Variants in EIF4G3 observed in about 807,000 individuals in gnomAD.
EIF4G3 encodes the protein eIF-4-gamma 3.
Under a neutral mutation model 186.4 loss-of-function variants are expected in EIF4G3, and 34 were observed. The ratio of observed to expected loss-of-function variants is 0.18; its 90% CI spans 0.14 to 0.24. EIF4G3 has a LOEUF of 0.24. Among genes scored for constraint, EIF4G3 ranks in the 10% least tolerant of loss-of-function variants. The probability of loss-of-function intolerance (pLI) is 1.00; values close to 1 mark genes in which losing one functional copy is unlikely to be tolerated. For synonymous variants in EIF4G3, 673 were observed against 679.5 expected (o/e 0.99, Z 0.15); for missense variants, 1,536 against 1,948.5 (o/e 0.79, Z 3.99).
intron 2 of EIF4G3, among the ~76,000 whole-genome samples, chr1:21,157,504 A>G (rs547370527): frequency 6.6e-5 from 10 of 151,204 alleles, no homozygotes; most frequent in Non-Finnish European, 1.2e-4. Context: ...ACACCTGGCT[A>G]ATTTTTTTTT....
At chr1:21,029,470 G>C (rs149968105) in intron 4 of EIF4G3, among the ~76,000 whole-genome samples, 4 of 151,986 alleles carry the variant, frequency 2.6e-5, no homozygotes, top group African/African-American at 4.8e-5. Context: ...TGAGTCGGGG[G>C]GGGGAAGGGA....
intron 19 of EIF4G3, among the ~76,000 whole-genome samples, chr1:20,885,449 G>C (rs2083817730): frequency 6.6e-6 from 1 of 152,186 alleles, no homozygotes. Context: ...ACTTTGAACT[G>C]CTACACTTAA....
chr1:20,872,340 G>A (rs943742077), intron 20 of EIF4G3, among the ~76,000 whole-genome samples: 7 of 151,532 alleles, frequency 4.6e-5, no homozygotes, highest in Admixed American at 4.6e-4. Context: ...TGCCCAGACT[G>A]GTCTCCAACT....
rs1193601902 is a variant in EIF4G3, at chr1:21,173,137, CAAAAAAAAAAAAAAAAA to C, written c.-272+3021_-272+3037del. Reference sequence around the variant, plus strand: ...CTGGCAACAGAGCGAGACTCAATCTCAAAAAAAAAAAAAAAAAAAAAAAAAAAAGACGTGGGTTCCAA... The same window carrying C: ...CTGGCAACAGAGCGAGACTCAATCTCAAAAAAAAAAAGACGTGGGTTCCAA... On this transcript the variant is annotated intron_variant, in intron 2 of 36. Transcript: ENST00000602326. Among the ~76,000 whole-genome samples the C allele has an allele frequency of 1.5e-3, 43 of 29,192 alleles. 1 individual carries two copies. The highest frequency in any genetic ancestry group is 6.1e-3 in the Admixed American group (10 of 1,640). 19.2% of individuals were successfully genotyped at this position (29,192 alleles called of 152,430 possible). A position where few individuals can be genotyped will look rare whatever the true frequency, so the allele number is the denominator to read the frequency against.
chr1:20,915,863 C>T (rs1212866143), intron 14 of EIF4G3, among the ~76,000 whole-genome samples: 1 of 152,116 alleles, frequency 6.6e-6, no homozygotes, highest in Admixed American at 6.5e-5. Flanking sequence ...CCAGCTAGTG[C>T]AGTAAGTCAA....
intron 3 of EIF4G3, among the ~76,000 whole-genome samples, chr1:21,086,703 G>C (rs1315610742): frequency 1.3e-5 from 2 of 152,118 alleles, no homozygotes; most frequent in Non-Finnish European, 2.9e-5. Context: ...ATATTGGAAG[G>C]TCAAGGTGGG....
chr1:20,846,105 G>T (rs1248099686), intron 29 of EIF4G3, among the ~76,000 whole-genome samples: 1 of 152,094 alleles, frequency 6.6e-6, no homozygotes, highest in African/African-American at 2.4e-5. Context: ...CTTTCAGCTT[G>T]ACTGATGCTA....
At chr1:21,135,865 T>C (rs1378064473) in intron 2 of EIF4G3, among the ~76,000 whole-genome samples, 4 of 152,184 alleles carry the variant, frequency 2.6e-5, no homozygotes, top group African/African-American at 4.8e-5. Context: ...ATTACTAGCA[T>C]AGACAGACCC....
chr1:21,054,475 AAAG>A (rs1338010885), intron 3 of EIF4G3, among the ~76,000 whole-genome samples: 1 of 149,752 alleles, frequency 6.7e-6, no homozygotes, highest in Non-Finnish European at 1.5e-5. Flanking sequence ...ATAAAAAAAA[AAAG>A]AAAAGAAAAA....
chr1:20,923,606 C>T (rs2094641153), intron 14 of EIF4G3, among the ~76,000 whole-genome samples: 1 of 151,992 alleles, frequency 6.6e-6, no homozygotes, highest in Admixed American at 6.6e-5. Context: ...TAAAATGCTA[C>T]AGCTCACTGC....
intron 23 of EIF4G3, 103 bp downstream of exon 23, chr1:20,862,125 A>T (rs1156941596): frequency 1.4e-5 from 9 of 655,118 alleles, no homozygotes; most frequent in Non-Finnish European, 2.0e-5. Context: ...CTGAAGCAAA[A>T]GCACTATCTT....
At chr1:21,100,315 A>C (rs2101779786) in intron 2 of EIF4G3, among the ~76,000 whole-genome samples, 1 of 152,312 alleles carries the variant, frequency 6.6e-6, no homozygotes, top group East Asian at 1.9e-4. Flanking sequence ...TATTAAGTAT[A>C]ATTTAATACA....
intron 3 of EIF4G3, among the ~76,000 whole-genome samples, chr1:21,078,778 A>G (rs1186285052): frequency 6.6e-6 from 1 of 152,182 alleles, no homozygotes; most frequent in Non-Finnish European, 1.5e-5. Context: ...TGAGGTCAGG[A>G]GTTCGAGACC....
chr1:21,074,647 A>G (rs1045604528), intron 3 of EIF4G3, among the ~76,000 whole-genome samples: 1 of 152,228 alleles, frequency 6.6e-6, no homozygotes, highest in Admixed American at 6.5e-5. Flanking sequence ...TTAAACAGGA[A>G]AAAAAGATTA....
At chr1:20,814,800 C>A (rs2060121039) in intron 34 of EIF4G3, among the ~76,000 whole-genome samples, 1 of 111,972 alleles carries the variant, frequency 8.9e-6, no homozygotes, top group African/African-American at 3.3e-5. Flanking sequence ...CCTCTCCCCA[C>A]AGTCTCCTTC....
At chr1:21,072,561 G>A (rs1487616243) in intron 3 of EIF4G3, among the ~76,000 whole-genome samples, 2 of 151,944 alleles carry the variant, frequency 1.3e-5, no homozygotes, top group Admixed American at 6.6e-5. Flanking sequence ...CTGCCACCAC[G>A]CCCGGCTAAT....
intron 2 of EIF4G3, among the ~76,000 whole-genome samples, chr1:21,120,040 G>A (rs552713506): frequency 6.6e-6 from 1 of 151,666 alleles, no homozygotes; most frequent in East Asian, 1.9e-4. Flanking sequence ...GTTGGTGAAA[G>A]TTATAACACG....
At chr1:21,096,225 G>A (rs2096366725) in intron 2 of EIF4G3, among the ~76,000 whole-genome samples, 1 of 152,080 alleles carries the variant, frequency 6.6e-6, no homozygotes, top group African/African-American at 2.4e-5. Context: ...AAAAAAATGA[G>A]GTCATTCTTT....
At chr1:20,858,718 C>T (rs568461867) in intron 24 of EIF4G3, among the ~76,000 whole-genome samples, 3 of 152,260 alleles carry the variant, frequency 2.0e-5, no homozygotes, top group East Asian at 1.9e-4. Context: ...GAATGAGGGC[C>T]GTGTGCGGTG....
Sources: allele counts gnomAD v4.1 joint callset (sites outside exome capture counted in the v4.1 genomes callset), GRCh38; gene constraint gnomAD v4.1.1; transcripts MANE v1.5; gene names NCBI Gene and HGNC (gene_info 2026-07-23, HGNC 2026-07-21).